Variants in CBFB observed in about 807,000 individuals in gnomAD.
CBFB encodes CBF-beta.
CBFB carries 9 observed loss-of-function variants against 30.4 expected under a neutral mutation model. That is an observed-to-expected ratio of 0.30 (90% CI 0.18 to 0.52). CBFB has a LOEUF of 0.52. CBFB is among the 20% of genes least tolerant of loss of function. The pLI, the probability that CBFB is intolerant of heterozygous loss-of-function variation, is 0.97. For synonymous variants in CBFB, 94 were observed against 84.0 expected (o/e 1.12, Z -0.65); for missense variants, 170 against 244.0 (o/e 0.70, Z 2.02).
chr16:67,066,641 C>T, intron 3 of CBFB, 41 bp from the exon 4 acceptor site: 6 of 1,057,750 alleles, frequency 5.7e-6, no homozygotes, highest in Non-Finnish European at 8.8e-6. Context: ...TTTCATGTGT[C>T]TGATGGTTTT....
rs1237612931 is a variant in CBFB at position 67,100,733 on chromosome 16, TC to T, written c.*1957del. 1 of 218,600 alleles carries T rather than the reference TC, an allele frequency of 4.6e-6. No homozygotes were observed. Among genetic ancestry groups the T allele is most frequent in the Non-Finnish European group, 9.2e-6 (1 of 108,604 alleles). The allele number at this position is 218,600 out of a possible 1,614,324, so 13.5% of individuals were successfully genotyped here. A position where few individuals can be genotyped will look rare whatever the true frequency, so the allele number is the denominator to read the frequency against. On this transcript the variant is annotated 3_prime_UTR_variant, in exon 6 of 6. Transcript: ENST00000412916. ...AATAAGATCAAATGCTCTTAAATGT[TC>T]CTGTTACCATCCTAATGTAAATACT...
chr16:67,092,699 T>TC lies in CBFB; in HGVS notation c.496-6011_496-6010insC, dbSNP rs1961928238. Reference sequence around the variant, plus strand: ...CAGGCTAGGTTACAGTGGTGCAATCTTTTTTTTTTTTTTTTTTTTTTTTTT... The same window carrying TC: ...CAGGCTAGGTTACAGTGGTGCAATCTCTTTTTTTTTTTTTTTTTTTTTTTTT... On this transcript the variant is annotated intron_variant, in intron 5 of 5. Transcript: ENST00000412916. Among the ~76,000 whole-genome samples the TC allele has an allele frequency of 8.9e-4, 7 of 7,868 alleles. 1 individual carries two copies. Among genetic ancestry groups the TC allele is most frequent in the African/African-American group, 3.1e-3 (7 of 2,260 alleles). 5.2% of individuals were successfully genotyped at this position (7,868 alleles called of 152,430 possible).
At chr16:67,074,519 A>G (rs1158470275) in intron 4 of CBFB, among the ~76,000 whole-genome samples, 1 of 151,568 alleles carries the variant, frequency 6.6e-6, no homozygotes, top group Non-Finnish European at 1.5e-5. Context: ...AGTAGCTGGG[A>G]CTACAGGCAC....
At chr16:67,047,747 C>A (rs1304865050) in intron 3 of CBFB, among the ~76,000 whole-genome samples, 2 of 152,046 alleles carry the variant, frequency 1.3e-5, no homozygotes, top group African/African-American at 4.8e-5. Flanking sequence ...TCTATCCATC[C>A]CTTTGCTATC....
At position 67,077,227 on chromosome 16, in the gene CBFB, G is replaced by A. The variant is rs143619870; in HGVS notation, c.400-4986G>A. ...ATCACAAAACAATATTTCACGTTCAGTATAATGACCTTGCAAAGTTTTATT... is the reference window on the plus strand; with the variant it reads ...ATCACAAAACAATATTTCACGTTCAATATAATGACCTTGCAAAGTTTTATT... On this transcript the variant is annotated intron_variant, in intron 4 of 5. Transcript: ENST00000412916. 6.1e-3 allele frequency among the ~76,000 whole-genome samples: 931 copies of A among 152,242 alleles called. 10 individuals carry two copies. Among genetic ancestry groups the A allele is most frequent in the Non-Finnish European group, 0.011 (741 of 68,022 alleles).
At chr16:67,043,569 A>G (rs938321070) in intron 3 of CBFB, among the ~76,000 whole-genome samples, 2 of 152,222 alleles carry the variant, frequency 1.3e-5, no homozygotes, top group African/African-American at 4.8e-5. Flanking sequence ...TTGGCTCTTA[A>G]TAAGGATCTT....
At chr16:67,029,669 G>C (rs903201439) in intron 1 of CBFB, 58 bp from the exon 2 acceptor site, 3 of 1,470,842 alleles carry the variant, frequency 2.0e-6, no homozygotes, top group Non-Finnish European at 2.8e-6. Flanking sequence ...CTGGGAGGGC[G>C]GGCGCGCGGG....
chr16:67,057,492 G>A (rs1461143308), intron 3 of CBFB, among the ~76,000 whole-genome samples: 1 of 152,074 alleles, frequency 6.6e-6, no homozygotes, highest in Non-Finnish European at 1.5e-5. Flanking sequence ...AAAGGAAAAT[G>A]CACCCTTATT....
chr16:67,073,511 C>T (rs1049977115), intron 4 of CBFB, among the ~76,000 whole-genome samples: 1 of 152,116 alleles, frequency 6.6e-6, no homozygotes, highest in African/African-American at 2.4e-5. Flanking sequence ...CTTGAGAGGC[C>T]GAGACAGGTG....
At chr16:67,077,410 T>C (rs1961431044) in intron 4 of CBFB, among the ~76,000 whole-genome samples, 1 of 152,246 alleles carries the variant, frequency 6.6e-6, no homozygotes, top group Non-Finnish European at 1.5e-5. Context: ...TTTTTACATA[T>C]GCACAAAAAC....
At chr16:67,031,817 T>TC (rs1188377896) in intron 2 of CBFB, among the ~76,000 whole-genome samples, 1 of 151,812 alleles carries the variant, frequency 6.6e-6, no homozygotes, top group Admixed American at 6.6e-5. Context: ...CTGGTCTTGT[T>TC]TCGTTTTTTT....
chr16:67,084,703 G>GT (rs897716746), intron 5 of CBFB, among the ~76,000 whole-genome samples: 5 of 151,986 alleles, frequency 3.3e-5, no homozygotes, highest in East Asian at 1.9e-4. Flanking sequence ...AAAATTTGTG[G>GT]TTTTTTTCCA....
chr16:67,069,943 C>G (rs1031538638), intron 4 of CBFB, among the ~76,000 whole-genome samples: 1 of 152,026 alleles, frequency 6.6e-6, no homozygotes, highest in African/African-American at 2.4e-5. Context: ...GAGCTGTGAT[C>G]GCACCACTGC....
At chr16:67,037,626 C>T (rs1966463968) in intron 3 of CBFB, among the ~76,000 whole-genome samples, 1 of 149,882 alleles carries the variant, frequency 6.7e-6, no homozygotes, top group Non-Finnish European at 1.5e-5. Context: ...AGCTGAGAGC[C>T]TTATTTCAGG....
chr16:67,071,475 C>T (rs1178906478), intron 4 of CBFB, among the ~76,000 whole-genome samples: 1 of 152,136 alleles, frequency 6.6e-6, no homozygotes, highest in African/African-American at 2.4e-5. Context: ...GTCTGCATGC[C>T]AGAAAGAGGT....
chr16:67,080,480 G>GAAAAAAAACAGA (rs1555538955), intron 4 of CBFB, among the ~76,000 whole-genome samples: 22 of 150,598 alleles, frequency 1.5e-4, no homozygotes, highest in African/African-American at 5.4e-4. Flanking sequence ...GTTTCTTGCA[G>GAAAAAAAACAGA]AAAAAAAAAT....
chr16:67,092,831 G>A (rs778038075), intron 5 of CBFB, among the ~76,000 whole-genome samples: 34 of 145,438 alleles, frequency 2.3e-4, no homozygotes, highest in Non-Finnish European at 3.0e-4. Flanking sequence ...TCCTGCCTCA[G>A]CCTCCCGAGT....
chr16:67,077,470 A>G (rs1263370028), intron 4 of CBFB, among the ~76,000 whole-genome samples: 1 of 152,222 alleles, frequency 6.6e-6, no homozygotes, highest in Non-Finnish European at 1.5e-5. Flanking sequence ...GTTACGTGCT[A>G]CAGATTGATG....
chr16:67,050,078 A>C (rs887607802), intron 3 of CBFB, among the ~76,000 whole-genome samples: 1 of 151,212 alleles, frequency 6.6e-6, no homozygotes, highest in Non-Finnish European at 1.5e-5. Flanking sequence ...AAGTTGATGC[A>C]AACTCCACAT....
Sources: allele counts gnomAD v4.1 joint callset (sites outside exome capture counted in the v4.1 genomes callset), GRCh38; gene constraint gnomAD v4.1.1; transcripts MANE v1.5; gene names NCBI Gene and HGNC (gene_info 2026-07-23, HGNC 2026-07-21).